Variants in MINDY4 observed in about 807,000 individuals in gnomAD.
MINDY4 encodes probable ubiquitin carboxyl-terminal hydrolase MINDY-4.
A neutral mutation model predicts 87.0 loss-of-function variants in MINDY4; 68 were observed. The observed-to-expected ratio is 0.78, with a 90% CI of 0.64 to 0.96. The LOEUF (loss-of-function observed/expected upper bound fraction) is 0.96, where lower values mean the gene tolerates loss of function less well. Among genes scored for constraint, MINDY4 ranks in the 40% least tolerant of loss-of-function variants. The pLI, the probability that MINDY4 is intolerant of heterozygous loss-of-function variation, is 0.00. For synonymous variants in MINDY4, 379 were observed against 363.2 expected (o/e 1.04, Z -0.50); for missense variants, 919 against 928.2 (o/e 0.99, Z 0.13).
At chr7:30,807,741 C>CCTGCT (rs1787855211) in intron 5 of MINDY4, among the ~76,000 whole-genome samples, 1 of 152,158 alleles carries the variant, frequency 6.6e-6, no homozygotes, top group Non-Finnish European at 1.5e-5. Context: ...AAATCCCTGT[C>CCTGCT]CTGTTCTGTT....
intron 17 of MINDY4, among the ~76,000 whole-genome samples, chr7:30,890,644 C>T (rs986078609): frequency 2.0e-5 from 3 of 152,182 alleles, no homozygotes; most frequent in Non-Finnish European, 4.4e-5. Flanking sequence ...ATGAACCTTG[C>T]TGCCTTTGGA....
intron 10 of MINDY4, among the ~76,000 whole-genome samples, chr7:30,851,579 T>C (rs2128571204): frequency 6.6e-6 from 1 of 152,368 alleles, no homozygotes; most frequent in Non-Finnish European, 1.5e-5. Context: ...TCACTTGTCT[T>C]TGGTACTCAC....
At chr7:30,829,084 T>A (rs1788615016) in intron 6 of MINDY4, among the ~76,000 whole-genome samples, 1 of 152,128 alleles carries the variant, frequency 6.6e-6, no homozygotes, top group South Asian at 2.1e-4. Context: ...AAAGTATCAG[T>A]ATAGCTCTGG....
intron 9 of MINDY4, among the ~76,000 whole-genome samples, chr7:30,849,554 G>C (rs1165616870): frequency 1.3e-5 from 2 of 152,190 alleles, no homozygotes; most frequent in African/African-American, 4.8e-5. Flanking sequence ...GTTTGATACA[G>C]CTGACTGCCT....
intron 15 of MINDY4, 115 bp from the exon 16 acceptor site, chr7:30,882,066 A>G: frequency 9.6e-7 from 1 of 1,044,904 alleles, no homozygotes; most frequent in East Asian, 2.4e-5. Flanking sequence ...TCAGACACAA[A>G]CGTGATCTTC....
intron 17 of MINDY4, among the ~76,000 whole-genome samples, chr7:30,890,306 C>G (rs1465604468): frequency 5.9e-5 from 9 of 152,226 alleles, no homozygotes; most frequent in Non-Finnish European, 1.2e-4. Flanking sequence ...AGGACTGCGT[C>G]TTGTGTCTAG....
chr7:30,813,221 A>G (rs375225177), intron 5 of MINDY4, among the ~76,000 whole-genome samples: 8 of 152,192 alleles, frequency 5.3e-5, no homozygotes, highest in Admixed American at 1.3e-4. Context: ...TAGAAGATTC[A>G]TCGTCAGGAG....
At chr7:30,850,806 C>G (rs1173079428) in intron 10 of MINDY4, among the ~76,000 whole-genome samples, 3 of 152,182 alleles carry the variant, frequency 2.0e-5, no homozygotes, top group African/African-American at 4.8e-5. Context: ...TCTGTCTGCC[C>G]TGCCTTCCTC....
At chr7:30,844,789 G>C (rs1218410290) in intron 9 of MINDY4, among the ~76,000 whole-genome samples, 5 of 152,150 alleles carry the variant, frequency 3.3e-5, no homozygotes, top group Non-Finnish European at 7.3e-5. Context: ...TACCAGACCG[G>C]GTCAGGACCT....
At chr7:30,823,465 C>A (rs1788402848) in intron 5 of MINDY4, among the ~76,000 whole-genome samples, 1 of 152,112 alleles carries the variant, frequency 6.6e-6, no homozygotes, top group African/African-American at 2.4e-5. Flanking sequence ...CACCTTCTTC[C>A]TTCTTTCCCT....
At chr7:30,875,193 C>T (rs1339749891) in intron 14 of MINDY4, among the ~76,000 whole-genome samples, 1 of 152,218 alleles carries the variant, frequency 6.6e-6, no homozygotes, top group Non-Finnish European at 1.5e-5. Context: ...CCATGTCTCA[C>T]CCTCTCACCA....
At chr7:30,800,874 A>G (rs1787627846) in intron 5 of MINDY4, among the ~76,000 whole-genome samples, 1 of 152,220 alleles carries the variant, frequency 6.6e-6, no homozygotes, top group African/African-American at 2.4e-5. Context: ...CAGGTTTTGC[A>G]GAAGAATGGA....
intron 17 of MINDY4, among the ~76,000 whole-genome samples, chr7:30,889,602 A>G (rs1262405630): frequency 1.3e-5 from 2 of 152,222 alleles, no homozygotes; most frequent in Non-Finnish European, 2.9e-5. Context: ...TCTGATATGG[A>G]TAAATTCCAT....
At chr7:30,822,609 G>T (rs934346114) in intron 5 of MINDY4, among the ~76,000 whole-genome samples, 2 of 114,376 alleles carry the variant, frequency 1.7e-5, no homozygotes, top group African/African-American at 4.4e-5. Context: ...CCATTGTCTT[G>T]GTTGACGTGC....
intron 13 of MINDY4, among the ~76,000 whole-genome samples, chr7:30,867,280 G>C (rs548671011): frequency 1.5e-4 from 23 of 152,322 alleles, no homozygotes; most frequent in African/African-American, 4.8e-4. Context: ...ACTGCTCGGA[G>C]GTCTCGGTTT....
chr7:30,772,494 TATAATGAGGATTA>T (rs1786674443), intron 1 of MINDY4, among the ~76,000 whole-genome samples: 1 of 152,190 alleles, frequency 6.6e-6, no homozygotes, highest in Admixed American at 6.5e-5. Context: ...TTTGCAGATT[TATAATGAGGATTA>T]ATATTAACAT....
intron 17 of MINDY4, among the ~76,000 whole-genome samples, chr7:30,883,559 G>T (rs1790536249): frequency 6.6e-6 from 1 of 152,210 alleles, no homozygotes; most frequent in Non-Finnish European, 1.5e-5. Flanking sequence ...TTAAGGGGAG[G>T]CTGAGGCTCA....
intron 15 of MINDY4, among the ~76,000 whole-genome samples, chr7:30,880,156 G>C (rs1001929272): frequency 6.6e-6 from 1 of 152,210 alleles, no homozygotes; most frequent in African/African-American, 2.4e-5. Flanking sequence ...TTTGAAGTGA[G>C]TGCTTCTAAC....
intron 13 of MINDY4, among the ~76,000 whole-genome samples, chr7:30,866,630 G>A (rs1222792523): frequency 6.6e-6 from 1 of 152,222 alleles, no homozygotes; most frequent in Non-Finnish European, 1.5e-5. Flanking sequence ...GGTTGAGTGA[G>A]ATTTTAGAGG....
Sources: gnomAD v4.1 joint callset for allele counts (sites outside exome capture counted in the v4.1 genomes callset) on GRCh38, gnomAD v4.1.1 for gene constraint, MANE v1.5 for transcripts, NCBI Gene and HGNC (gene_info 2026-07-23, HGNC 2026-07-21) for gene names.